Variants in PRR5L observed in about 807,000 individuals in gnomAD.
PRR5L encodes the protein proline-rich protein 5-like.
In PRR5L, 21 loss-of-function variants were observed where a neutral mutation model predicts 36.4. The ratio of observed to expected loss-of-function variants is 0.58; its 90% confidence interval spans 0.41 to 0.83. The LOEUF (loss-of-function observed/expected upper bound fraction) is 0.83, where lower values mean the gene tolerates loss of function less well. Among genes scored for constraint, PRR5L ranks in the 40% least tolerant of loss-of-function variants. The pLI is 0.00. For missense variants in PRR5L, 381 were observed against 473.3 expected, an observed-to-expected ratio of 0.80 and a Z score of 1.81; for synonymous variants, 188 against 197.0, an observed-to-expected ratio of 0.95 and a Z score of 0.38.
chr11:36,438,054 C>T (rs1858642045), intron 6 of PRR5L, among the ~76,000 whole-genome samples: 2 of 152,126 alleles, frequency 1.3e-5, no homozygotes, highest in African/African-American at 4.8e-5. Flanking sequence ...GTATCTCCTA[C>T]AAAATAAGGA....
chr11:36,363,859 G>T (rs1267650545), intron 1 of PRR5L, among the ~76,000 whole-genome samples: 1 of 152,198 alleles, frequency 6.6e-6, no homozygotes. Context: ...TTTCAACCAG[G>T]AAATCTAAAT....
At chr11:36,451,676 C>T (rs1858948327) in intron 8 of PRR5L, among the ~76,000 whole-genome samples, 1 of 152,202 alleles carries the variant, frequency 6.6e-6, no homozygotes, top group African/African-American at 2.4e-5. Context: ...AGAAACTGTG[C>T]TTTGTTACAC....
chr11:36,374,897 T>G (rs1857237921), intron 1 of PRR5L, among the ~76,000 whole-genome samples: 1 of 152,142 alleles, frequency 6.6e-6, no homozygotes, highest in Admixed American at 6.5e-5. Context: ...TGGCTCTTAA[T>G]CCCTTAGACG....
chr11:36,408,283 A>G (rs1857951692), intron 3 of PRR5L, among the ~76,000 whole-genome samples: 1 of 101,748 alleles, frequency 9.8e-6, no homozygotes, highest in African/African-American at 5.8e-5. Flanking sequence ...ATTTGTCTCA[A>G]AAAAAAAAAA....
At chr11:36,410,570 T>C (rs1858003662) in intron 3 of PRR5L, among the ~76,000 whole-genome samples, 1 of 152,242 alleles carries the variant, frequency 6.6e-6, no homozygotes, top group African/African-American at 2.4e-5. Flanking sequence ...TTTGAGATTC[T>C]GTGTGCAGAC....
intron 1 of PRR5L, among the ~76,000 whole-genome samples, chr11:36,391,650 C>T (rs1857565873): frequency 6.6e-6 from 1 of 152,172 alleles, no homozygotes; most frequent in Non-Finnish European, 1.5e-5. Context: ...TCTAGTTTCT[C>T]TAACTTGGAG....
chr11:36,437,346 TC>T, intron 5 of PRR5L, 38 bp from the exon 6 acceptor site: 1 of 1,307,724 alleles, frequency 7.6e-7, no homozygotes, highest in Non-Finnish European at 1.1e-6. Context: ...CGAATTCTTT[TC>T]TTTCTTCCTC....
intron 1 of PRR5L, among the ~76,000 whole-genome samples, chr11:36,346,950 T>G (rs969182928): frequency 6.6e-6 from 1 of 152,222 alleles, no homozygotes; most frequent in Non-Finnish European, 1.5e-5. Context: ...CACAAAAGAA[T>G]AGGCGTGGCT....
chr11:36,436,805 G>GC (rs1319265665), intron 5 of PRR5L, among the ~76,000 whole-genome samples: 10 of 152,212 alleles, frequency 6.6e-5, no homozygotes, highest in Non-Finnish European at 1.3e-4. Context: ...AGCCTGTAAA[G>GC]CGGGGGTATT....
chr11:36,357,889 G>A (rs568620585), intron 1 of PRR5L, among the ~76,000 whole-genome samples: 32 of 152,328 alleles, frequency 2.1e-4, no homozygotes, highest in East Asian at 3.9e-4. Context: ...TAAGAAATAC[G>A]TTTTGTAAGG....
At chr11:36,307,945 C>CT (rs1856452434) in intron 1 of PRR5L, among the ~76,000 whole-genome samples, 1 of 152,148 alleles carries the variant, frequency 6.6e-6, no homozygotes, top group Non-Finnish European at 1.5e-5. Flanking sequence ...TTCCAGCAAA[C>CT]TTTCCCCCAC....
At chr11:36,335,820 T>C (rs1260141123) in intron 1 of PRR5L, among the ~76,000 whole-genome samples, 2 of 152,250 alleles carry the variant, frequency 1.3e-5, no homozygotes, top group Non-Finnish European at 2.9e-5. Context: ...GACTTTTCTT[T>C]ATAAATATTT....
At chr11:36,351,865 G>A (rs202234318) in intron 1 of PRR5L, among the ~76,000 whole-genome samples, 13 of 146,194 alleles carry the variant, frequency 8.9e-5, no homozygotes, top group Middle Eastern at 3.6e-3. Context: ...TTGCAATTGC[G>A]AATTGTGCGG....
At position 36,320,307 on chromosome 11, in the gene PRR5L, G is replaced by A. The variant is rs182376308; in HGVS notation, c.-126+23869G>A. Among the ~76,000 whole-genome samples the A allele has an allele frequency of 3.5e-5, 5 of 143,540 alleles. No individual in the cohort carries two copies. The East Asian group carries it at 1.1e-3, about 31-fold the overall frequency. 94.2% of individuals were successfully genotyped at this position (143,540 alleles called of 152,430 possible). On this transcript the variant is annotated intron_variant, in intron 1 of 8. Coordinates refer to ENST00000530639, the MANE Select transcript of PRR5L (RefSeq NM_001160167.2). ...CGTCCAGGCTGGAGTGCAGTGGTGC[G>A]ATCTCGGCTCAGTGCAATCTCTGCC...
intron 4 of PRR5L, among the ~76,000 whole-genome samples, chr11:36,430,207 C>T (rs1057178013): frequency 1.3e-5 from 2 of 152,074 alleles, no homozygotes; most frequent in Non-Finnish European, 2.9e-5. Flanking sequence ...GTCAAAAGTT[C>T]GAGACCAGCC....
In PRR5L at chr11:36,431,876, G is replaced by A; in HGVS notation, c.318G>A (p.Leu106=). Residue 106 remains leucine, a synonymous_variant, in exon 5 of 9, where the codon CTG becomes CTA. Coordinates refer to ENST00000530639, the MANE Select transcript of PRR5L (RefSeq NM_001160167.2). ...AGAACCAGCTTCTTGCAAAAGGACT[G>A]TTCTTTGTGGAGGAGAAGATCAAGC... The part of the protein sequence containing the change: ...YFQNQLLAKG[L]FFVEEKIKLC... 1 of 1,614,170 alleles carries A rather than the reference G, an allele frequency of 6.2e-7. No individual in the cohort carries two copies.
chr11:36,354,536 C>T (rs1193276707), intron 1 of PRR5L, among the ~76,000 whole-genome samples: 1 of 152,074 alleles, frequency 6.6e-6, no homozygotes, highest in Non-Finnish European at 1.5e-5. Context: ...GAATGTGTTG[C>T]AGTCATAATG....
intron 7 of PRR5L, among the ~76,000 whole-genome samples, chr11:36,447,455 A>T (rs932932695): frequency 1.3e-5 from 2 of 152,190 alleles, no homozygotes; most frequent in African/African-American, 2.4e-5. Context: ...ACTCATTCCT[A>T]TGGGTGGGGG....
chr11:36,403,328 A>G lies in PRR5L; in HGVS notation c.195A>G (p.Lys65=), dbSNP rs763795277. ...SVQTAVINVF[K]GGGLQSNELY... Reference sequence around the variant, plus strand: ...AGACTGCTGTGATCAACGTTTTCAAAGGGGGTGGCTTGCAAAGCAACGAGC... The same window carrying G: ...AGACTGCTGTGATCAACGTTTTCAAGGGGGGTGGCTTGCAAAGCAACGAGC... The change falls in exon 3 of 9, where the codon AAA becomes AAG. Residue 65 remains lysine (K), a synonymous_variant. Transcript: ENST00000530639. 1.2e-6 allele frequency: 2 copies of G among 1,614,106 alleles called. No individual in the cohort carries two copies. The highest frequency in any genetic ancestry group is 2.2e-5 in the South Asian group (2 of 91,082).
Sources: allele counts gnomAD v4.1 joint callset (sites outside exome capture counted in the v4.1 genomes callset), GRCh38; gene constraint gnomAD v4.1.1; transcripts MANE v1.5; gene names NCBI Gene and HGNC (gene_info 2026-07-23, HGNC 2026-07-21).